The following CSF1 variants were observed in gnomAD, a reference collection of about 807,000 sequenced individuals.
CSF1 encodes the protein colony stimulating factor 1, also known as macrophage colony-stimulating factor 1.
Under a neutral mutation model 48.9 loss-of-function variants are expected in CSF1, and 9 were observed. The ratio of observed to expected loss-of-function variants is 0.18; its 90% confidence interval spans 0.11 to 0.32. The LOEUF is 0.32. Among genes scored for constraint, CSF1 ranks in the 10% least tolerant of loss-of-function variants. The pLI, the probability that CSF1 is intolerant of heterozygous loss-of-function variation, is 1.00. For synonymous variants in CSF1, 305 were observed against 284.1 expected (o/e 1.07, Z -0.74); for missense variants, 672 against 697.9 (o/e 0.96, Z 0.42).
chr1:109,911,328 CTG>C (rs910420558), intron 1 of CSF1, among the ~76,000 whole-genome samples: 2 of 152,232 alleles, frequency 1.3e-5, no homozygotes, highest in African/African-American at 4.8e-5. Flanking sequence ...GAGGGGAACA[CTG>C]AGCCACCTGC....
At chr1:109,914,620 G>A (rs1654822996) in intron 2 of CSF1, among the ~76,000 whole-genome samples, 1 of 152,274 alleles carries the variant, frequency 6.6e-6, no homozygotes, top group African/African-American at 2.4e-5. Flanking sequence ...GATGCTGTGG[G>A]CTTCCAGCTG....
Position 109,911,072 on chromosome 1 carries a change from G to A in CSF1, c.39+10G>A. On this transcript the variant is annotated intron_variant, in intron 1 of 8. Coordinates refer to ENST00000329608, the MANE Select transcript of CSF1 (RefSeq NM_000757.6). ...GCGCTGCCCTCCCACGGTAAGCGAC[G>A]GCCGCGGCGCTGGGCCCGGGACGGG... 2 of 1,077,956 alleles carry A rather than the reference G, an allele frequency of 1.9e-6. No individual in the cohort carries two copies. Among genetic ancestry groups the A allele is most frequent in the Non-Finnish European group, 2.2e-6 (2 of 891,524 alleles). 66.8% of individuals were successfully genotyped at this position (1,077,956 alleles called of 1,614,324 possible). A position where few individuals can be genotyped will look rare whatever the true frequency, so the allele number is the denominator to read the frequency against.
Position 109,923,928 on chromosome 1 carries a change from C to T in CSF1, c.1307C>T (p.Pro436Leu), listed in dbSNP as rs533460933. 6 of 1,614,182 alleles carry T rather than the reference C, an allele frequency of 3.7e-6. No individual in the cohort carries two copies. The African/African-American group carries it at 8.0e-5, about 22-fold the overall frequency. ...SRSHSSGSVL[P>L]LGELEGRRST... ...AGCCACTCCTCGGGCAGCGTGCTGC[C>T]CCTTGGGGAGCTGGAGGGCAGGAGG... Residue 436 changes from proline (P) to leucine (L), a missense_variant, in exon 6 of 9, where the codon CCC becomes CTC. This residue lies in a region of CSF1 where 591 missense variants were observed against 593.6 expected (regional missense o/e 1.00). Coordinates refer to ENST00000329608, the MANE Select transcript of CSF1 (RefSeq NM_000757.6).
rs1179661516 is a variant in CSF1 at position 109,923,485 on chromosome 1, C to T, written c.864C>T (p.Asn288=). ...PQPRPSVGAF[N]PGMEDILDSA... ...CTCGCCCCTCTGTCGGGGCCTTCAA[C>T]CCCGGGATGGAGGATATTCTTGACT... Residue 288 remains asparagine, a synonymous_variant, in exon 6 of 9, where the codon AAC becomes AAT. Transcript: ENST00000329608. 1 of 1,614,044 alleles carries T rather than the reference C, an allele frequency of 6.2e-7. No homozygotes were observed. The highest frequency in any genetic ancestry group is 8.5e-7 in the Non-Finnish European group (1 of 1,180,016).
chr1:109,926,761 A>G (rs1490139154), intron 8 of CSF1: 1 of 152,174 alleles, frequency 6.6e-6, no homozygotes, highest in African/African-American at 2.4e-5. Context: ...TGTTGTTTTC[A>G]TATTTTTTAA....
rs190982659 is a variant in CSF1, at chr1:109,923,751, G to A, written c.1130G>A (p.Gly377Asp). 6.2e-7 allele frequency: 1 copy of A among 1,610,154 alleles called. No homozygotes were observed. Among genetic ancestry groups the A allele is most frequent in the Admixed American group, 1.7e-5 (1 of 59,508 alleles). The change falls in exon 6 of 9, where the codon GGC becomes GAC. Residue 377 changes from glycine (G) to aspartate (D), a missense_variant. By Grantham distance (94) the Gly-to-Asp change is moderately conservative (BLOSUM62 -1). Transcript: ENST00000329608. ...LPRVGPVRPT[G>D]QDWNHTPQKT... ...AGGGTGGGCCCCGTGAGGCCCACTG[G>A]CCAGGACTGGAATCACACCCCCCAG...
intron 8 of CSF1, among the ~76,000 whole-genome samples, chr1:109,927,002 C>T (rs1647869839): frequency 6.6e-6 from 1 of 152,214 alleles, no homozygotes; most frequent in South Asian, 2.1e-4. Flanking sequence ...TCTAGCTGAC[C>T]AGTTAACCAG....
At chr1:109,925,106 T>C in intron 7 of CSF1, 41 bp from the exon 8 acceptor site, 1 of 1,588,006 alleles carries the variant, frequency 6.3e-7, no homozygotes, top group Non-Finnish European at 8.6e-7. Context: ...ATTCCCCTGC[T>C]CCTGCTGATG....
At position 109,924,160 on chromosome 1, in the gene CSF1, A is replaced by C; in HGVS notation, c.1539A>C (p.Gly513=). The change falls in exon 6 of 9, where the codon GGA becomes GGC. Residue 513 remains glycine, a synonymous_variant. Coordinates refer to ENST00000329608, the MANE Select transcript of CSF1 (RefSeq NM_000757.6). ...TCATCCTGGTCTTGCTGGCCGTCGGAGGCCTCTTGTTCTACAGGTGGAGGC... is the reference window on the plus strand; with the variant it reads ...TCATCCTGGTCTTGCTGGCCGTCGGCGGCCTCTTGTTCTACAGGTGGAGGC... The part of the protein sequence containing the change: ...PSVILVLLAV[G]GLLFYRWRRR... 6.2e-7 allele frequency: 1 copy of C among 1,613,084 alleles called. No individual in the cohort carries two copies. Among genetic ancestry groups the C allele is most frequent in the Non-Finnish European group, 8.5e-7 (1 of 1,179,478 alleles).
Position 109,923,414 on chromosome 1 carries a change from G to C in CSF1, c.793G>C (p.Glu265Gln). Reference sequence around the variant, plus strand: ...CACCTGCCAGAGCTTTGAGCCGCCAGAGACCCCAGTTGTCAAGGACAGCAC... The same window carrying C: ...CACCTGCCAGAGCTTTGAGCCGCCACAGACCCCAGTTGTCAAGGACAGCAC... ...RSTCQSFEPP[E>Q]TPVVKDSTIG... The change falls in exon 6 of 9, where the codon GAG becomes CAG. Residue 265 changes from glutamate (E) to glutamine (Q), a missense_variant. Physicochemically the swap from Glu to Gln is conservative, Grantham distance 29 (BLOSUM62 2). Coordinates refer to ENST00000329608, the MANE Select transcript of CSF1 (RefSeq NM_000757.6). 6.2e-7 allele frequency: 1 copy of C among 1,614,074 alleles called. No homozygotes were observed. Among genetic ancestry groups the C allele is most frequent in the Non-Finnish European group, 8.5e-7 (1 of 1,180,000 alleles).
At chr1:109,924,514 G>A (rs971282599) in intron 6 of CSF1, among the ~76,000 whole-genome samples, 12 of 152,094 alleles carry the variant, frequency 7.9e-5, no homozygotes, top group African/African-American at 2.2e-4. Context: ...CAGGGCAGGC[G>A]TACACTGGAA....
chr1:109,920,350 C>T (rs1480668107), intron 4 of CSF1, among the ~76,000 whole-genome samples: 2 of 150,732 alleles, frequency 1.3e-5, no homozygotes, highest in South Asian at 2.1e-4. Context: ...TCACTGCAAC[C>T]TTTGCCTCCC....
intron 4 of CSF1, 79 bp downstream of exon 4, chr1:109,917,542 A>G (rs892844964): frequency 7.1e-7 from 1 of 1,412,250 alleles, no homozygotes; most frequent in Admixed American, 1.9e-5. Flanking sequence ...ACAGGCACAG[A>G]GTACATTCGC....
intron 2 of CSF1, 59 bp downstream of exon 2, chr1:109,914,440 G>A: frequency 6.6e-7 from 1 of 1,518,600 alleles, no homozygotes; most frequent in Non-Finnish European, 8.8e-7. Context: ...GAAGGCAGGA[G>A]CCAGGGAGCA....
intron 1 of CSF1, 34 bp downstream of exon 1, chr1:109,911,096 G>C (rs1231638752): frequency 2.0e-6 from 2 of 1,022,624 alleles, no homozygotes; most frequent in African/African-American, 3.5e-5. Flanking sequence ...GCCCGGGACG[G>C]GCTGGGGCGG....
rs1654650011 is a variant in CSF1, at chr1:109,910,932, G to A, written c.-92G>A. 3.1e-6 allele frequency: 3 copies of A among 974,848 alleles called. No homozygotes were observed. The highest frequency in any genetic ancestry group is 5.1e-5 in the Admixed American group (1 of 19,558). 60.4% of individuals were successfully genotyped at this position (974,848 alleles called of 1,614,324 possible). A position where few individuals can be genotyped will look rare whatever the true frequency, so the allele number is the denominator to read the frequency against. ...CTCCGCATCCCAGGACAGCGGTGCGGCCCTCGGCCGGGGCGCCCACTCCGC... is the reference window on the plus strand; with the variant it reads ...CTCCGCATCCCAGGACAGCGGTGCGACCCTCGGCCGGGGCGCCCACTCCGC... On this transcript the variant is annotated 5_prime_UTR_variant, in exon 1 of 9. Transcript: ENST00000329608.
intron 4 of CSF1, among the ~76,000 whole-genome samples, chr1:109,920,847 A>G (rs1570795946): frequency 6.6e-6 from 1 of 152,134 alleles, no homozygotes; most frequent in South Asian, 2.1e-4. Context: ...ACCCTGAGGG[A>G]TGGCAGCATT....
chr1:109,925,056 G>A, intron 7 of CSF1, 91 bp from the exon 8 acceptor site: 1 of 1,225,952 alleles, frequency 8.2e-7, no homozygotes, highest in Non-Finnish European at 1.2e-6. Context: ...AGGGCCTAGA[G>A]CATGTCTGGG....
Position 109,923,176 on chromosome 1 carries a change from C to G in CSF1, c.555C>G (p.Thr185=), listed in dbSNP as rs746384580. ...CTGTGGTTCTTTCAGATGTGGTGACCAAGCCTGATTGCAACTGCCTGTACC... is the reference window on the plus strand; with the variant it reads ...CTGTGGTTCTTTCAGATGTGGTGACGAAGCCTGATTGCAACTGCCTGTACC... The part of the protein sequence containing the change: ...FAECSSQDVV[T]KPDCNCLYPK... Residue 185 remains threonine (T), a synonymous_variant, in exon 6 of 9, where the codon ACC becomes ACG. Transcript: ENST00000329608. 6.6e-7 allele frequency: 1 copy of G among 1,517,662 alleles called. No homozygotes were observed. The highest frequency in any genetic ancestry group is 2.2e-5 in the Admixed American group (1 of 44,658). The allele number at this position is 1,517,662 out of a possible 1,614,324, so 94.0% of individuals were successfully genotyped here.
Sources: gnomAD v4.1 joint callset for allele counts (sites outside exome capture counted in the v4.1 genomes callset) on GRCh38, gnomAD v4.1.1 for gene constraint, gnomAD v4.1.1 regional missense constraint, MANE v1.5 for transcripts, NCBI Gene and HGNC (gene_info 2026-07-23, HGNC 2026-07-21) for gene names.